The following GOLGA7B variants were observed in gnomAD, a reference collection of about 807,000 sequenced individuals.
The protein encoded by GOLGA7B is golgin subfamily A member 7B.
Under a neutral mutation model 21.5 loss-of-function variants are expected in GOLGA7B, and 17 were observed. The ratio of observed to expected loss-of-function variants is 0.79; its 90% confidence interval spans 0.54 to 1.19. The LOEUF is 1.19. GOLGA7B is among the 50% of genes most tolerant of loss of function. The pLI is 0.00. For synonymous variants in GOLGA7B, 87 were observed against 84.0 expected (o/e 1.04, Z -0.19); for missense variants, 169 against 224.4 (o/e 0.75, Z 1.58).
Position 97,859,354 on chromosome 10 carries a change from C to T in GOLGA7B, c.13-104C>T, listed in dbSNP as rs985883780. 64 of 1,181,138 alleles carry T rather than the reference C, an allele frequency of 5.4e-5. No homozygotes were observed. The East Asian group carries it at 1.6e-3, about 30-fold the overall frequency. 73.2% of individuals were successfully genotyped at this position (1,181,138 alleles called of 1,614,324 possible). A position where few individuals can be genotyped will look rare whatever the true frequency, so the allele number is the denominator to read the frequency against. On this transcript the variant is annotated intron_variant, in intron 1 of 4. Coordinates refer to ENST00000370602, the MANE Select transcript of GOLGA7B (RefSeq NM_001010917.3). ...TTGTCTCTGCATGCTGGGAACTTTCCTGGTGTTAGTGCTGGAAGACCTGCA... is the reference window on the plus strand; with the variant it reads ...TTGTCTCTGCATGCTGGGAACTTTCTTGGTGTTAGTGCTGGAAGACCTGCA...
chr10:97,864,331 G>A, intron 4 of GOLGA7B, 62 bp downstream of exon 4: 3 of 1,429,944 alleles, frequency 2.1e-6, no homozygotes, highest in Non-Finnish European at 2.9e-6. Flanking sequence ...AGATCCTGGT[G>A]AGGCTGCCAG....
Sources: gnomAD v4.1 joint callset for allele counts on GRCh38, gnomAD v4.1.1 for gene constraint, MANE v1.5 for transcripts, NCBI Gene and HGNC (gene_info 2026-07-23, HGNC 2026-07-21) for gene names.